Variants in FOXP2 observed in about 807,000 individuals in gnomAD.
FOXP2 encodes the protein forkhead box protein P2.
In FOXP2, 12 loss-of-function variants were observed where a neutral mutation model predicts 115.8. That is an observed-to-expected ratio of 0.10 (90% CI 0.07 to 0.17). The LOEUF is 0.17. Ranked by LOEUF, FOXP2 falls within the 10% of genes least tolerant of loss-of-function variation. The pLI is 1.00. For synonymous variants in FOXP2, 328 were observed against 297.7 expected (o/e 1.10, Z -1.05); for missense variants, 629 against 843.5 (o/e 0.75, Z 3.15).
intron 2 of FOXP2, among the ~76,000 whole-genome samples, chr7:114,341,907 G>A (rs573925903): frequency 6.6e-6 from 1 of 151,418 alleles, no homozygotes; most frequent in South Asian, 2.1e-4. Context: ...CACTGCCAAA[G>A]TCTACTTGAT....
intron 3 of FOXP2, among the ~76,000 whole-genome samples, chr7:114,606,567 T>G (rs894959594): frequency 6.6e-6 from 1 of 152,228 alleles, no homozygotes; most frequent in Non-Finnish European, 1.5e-5. Flanking sequence ...TTAAGCCACT[T>G]GAGTTTCTAT....
rs545638505 is a variant in FOXP2 at position 114,120,142 on chromosome 7, A to G, written c.-247+32304A>G. On this transcript the variant is annotated intron_variant, in intron 1 of 19. Coordinates refer to the FOXP2 transcript ENST00000635638. ...TGAGCAGCAGAGTCTCAGAGTGGCT[A>G]ATTACAGTAATTCACTTAAAAAAAG... Among the ~76,000 whole-genome samples, 4 of 152,218 alleles carry G rather than the reference A, an allele frequency of 2.6e-5. 1 individual carries two copies. The highest frequency in any genetic ancestry group is 3.9e-4 in the East Asian group (2 of 5,170).
At chr7:114,376,595 T>G (rs980382261) in intron 2 of FOXP2, among the ~76,000 whole-genome samples, 2 of 152,192 alleles carry the variant, frequency 1.3e-5, no homozygotes, top group African/African-American at 4.8e-5. Context: ...AAACCTTTCC[T>G]GAGAGAGGTA....
intron 2 of FOXP2, among the ~76,000 whole-genome samples, chr7:114,358,070 A>G (rs751130546): frequency 2.6e-5 from 4 of 152,156 alleles, no homozygotes; most frequent in Non-Finnish European, 5.9e-5. Context: ...CCCACATATC[A>G]TGGGATGGAC....
At chr7:114,538,216 TA>T in intron 3 of FOXP2, 4 of 738,514 alleles carry the variant, frequency 5.4e-6, no homozygotes, top group South Asian at 1.5e-5. Context: ...TCTGTAAATT[TA>T]AAAAAATTTT....
At chr7:114,316,875 G>A (rs1527152) in intron 2 of FOXP2, among the ~76,000 whole-genome samples, 86,876 of 151,736 alleles carry the variant, frequency 0.57, 27,250 homozygotes, top group Admixed American at 0.75. Flanking sequence ...GACATGAATT[G>A]CCTTGTGAAT....
At chr7:114,326,049 A>G (rs1797549407) in intron 2 of FOXP2, among the ~76,000 whole-genome samples, 2 of 152,120 alleles carry the variant, frequency 1.3e-5, no homozygotes, top group Admixed American at 1.3e-4. Context: ...AGTAAAATCA[A>G]TCGTAAGAGG....
chr7:114,609,037 A>G (rs1031510576), intron 3 of FOXP2, among the ~76,000 whole-genome samples: 1 of 151,904 alleles, frequency 6.6e-6, no homozygotes, highest in African/African-American at 2.4e-5. Flanking sequence ...CGTCTCTACT[A>G]AAAAAACAAA....
rs1270956339 is a variant in FOXP2 at position 114,503,307 on chromosome 7, T to C, written c.169-31310T>C. Among the ~76,000 whole-genome samples the C allele has an allele frequency of 1.1e-4, 16 of 151,856 alleles. No homozygotes were observed. The South Asian group carries it at 3.3e-3, about 31-fold the overall frequency. On this transcript the variant is annotated intron_variant, in intron 2 of 16. Coordinates refer to ENST00000350908, the MANE Select transcript of FOXP2 (RefSeq NM_014491.4). ...AAGTTAACTTAGGAATATATATTTATCATAAAGATTTTAAAATTTTTTTAT... is the reference window on the plus strand; with the variant it reads ...AAGTTAACTTAGGAATATATATTTACCATAAAGATTTTAAAATTTTTTTAT...
At chr7:114,177,713 T>C (rs1472940100) in intron 1 of FOXP2, among the ~76,000 whole-genome samples, 1 of 152,064 alleles carries the variant, frequency 6.6e-6, no homozygotes, top group African/African-American at 2.4e-5. Context: ...ATTTATGGTG[T>C]ATGACATAAT....
intron 3 of FOXP2, among the ~76,000 whole-genome samples, chr7:114,625,110 T>C (rs1456226366): frequency 6.6e-6 from 1 of 151,656 alleles, no homozygotes; most frequent in African/African-American, 2.4e-5. Flanking sequence ...GAGACCCTTG[T>C]TTGGTGCATC....
chr7:114,463,599 T>C (rs1465550981), intron 2 of FOXP2, among the ~76,000 whole-genome samples: 1 of 152,258 alleles, frequency 6.6e-6, no homozygotes, highest in Non-Finnish European at 1.5e-5. Context: ...ACTCATTTTA[T>C]GTGTAATCAT....
At chr7:114,371,562 C>A (rs1198153041) in intron 2 of FOXP2, among the ~76,000 whole-genome samples, 2 of 151,386 alleles carry the variant, frequency 1.3e-5, no homozygotes, top group Non-Finnish European at 1.5e-5. Context: ...AAAAATAAAC[C>A]CTGCATTTGG....
chr7:114,594,511 T>C (rs1563022300), intron 3 of FOXP2, among the ~76,000 whole-genome samples: 1 of 152,076 alleles, frequency 6.6e-6, no homozygotes, highest in South Asian at 2.1e-4. Context: ...GTTGTCTCAC[T>C]TTGGAGCTTT....
chr7:114,180,912 C>G (rs1285154991), intron 1 of FOXP2, among the ~76,000 whole-genome samples: 1 of 151,590 alleles, frequency 6.6e-6, no homozygotes, highest in East Asian at 1.9e-4. Flanking sequence ...ACAAAAATTA[C>G]CTTTTTAAAA....
intron 3 of FOXP2, among the ~76,000 whole-genome samples, chr7:114,618,208 T>C (rs1302765474): frequency 6.6e-6 from 1 of 152,232 alleles, no homozygotes; most frequent in Non-Finnish European, 1.5e-5. Context: ...AAACTTTTGC[T>C]GGATGGATGA....
rs779884866 is a variant in FOXP2 at position 114,691,041 on chromosome 7, A to C, written c.*1115A>C. 4 of 454,222 alleles carry C rather than the reference A, an allele frequency of 8.8e-6. No individual in the cohort carries two copies. Among genetic ancestry groups the C allele is most frequent in the Non-Finnish European group, 1.8e-5 (4 of 226,768 alleles). The allele number at this position is 454,222 out of a possible 1,614,324, so 28.1% of individuals were successfully genotyped here. A position where few individuals can be genotyped will look rare whatever the true frequency, so the allele number is the denominator to read the frequency against. ...AGACAGAGGTGAGGACAAAATCCGC[A>C]GTGGAAGTTATGATATGCTAGAAAG... On this transcript the variant is annotated 3_prime_UTR_variant, in exon 17 of 17. Transcript: ENST00000350908.
At chr7:114,604,416 T>C (rs1803198790) in intron 3 of FOXP2, among the ~76,000 whole-genome samples, 1 of 152,184 alleles carries the variant, frequency 6.6e-6, no homozygotes. Flanking sequence ...ATATTTGTTG[T>C]TCTCAGAATA....
chr7:114,496,241 T>C (rs1303661704), intron 2 of FOXP2, among the ~76,000 whole-genome samples: 1 of 152,146 alleles, frequency 6.6e-6, no homozygotes, highest in African/African-American at 2.4e-5. Flanking sequence ...TAACTTCTGT[T>C]TATCATAAAG....
Sources: gnomAD v4.1 joint callset for allele counts (sites outside exome capture counted in the v4.1 genomes callset) on GRCh38, gnomAD v4.1.1 for gene constraint, MANE v1.5 for transcripts, NCBI Gene and HGNC (gene_info 2026-07-23, HGNC 2026-07-21) for gene names.